The following EML4 variants were observed in gnomAD, a reference collection of about 807,000 sequenced individuals.
EML4 encodes the protein echinoderm microtubule-associated protein-like 4.
A neutral mutation model predicts 129.0 loss-of-function variants in EML4; 72 were observed. The observed-to-expected ratio is 0.56, with a 90% CI of 0.46 to 0.68. The LOEUF is 0.68. EML4 is among the 30% of genes least tolerant of loss of function. The pLI, the probability that EML4 is intolerant of heterozygous loss-of-function variation, is 0.00. For synonymous variants in EML4, 532 were observed against 405.0 expected (o/e 1.31, Z -3.77); for missense variants, 1,363 against 1,190.6 (o/e 1.14, Z -2.13).
At chr2:42,177,842 A>G (rs72976746) in intron 1 of EML4, among the ~76,000 whole-genome samples, 4,619 of 152,284 alleles carry the variant, frequency 0.03, 227 homozygotes, top group African/African-American at 0.1. Flanking sequence ...GAGAAGAGGA[A>G]GAGATAATGT....
At chr2:42,316,771 G>C (rs1669266713) in intron 18 of EML4, among the ~76,000 whole-genome samples, 1 of 152,178 alleles carries the variant, frequency 6.6e-6, no homozygotes, top group African/African-American at 2.4e-5. Flanking sequence ...CTTCTCAGTT[G>C]TTTCAAAGGA....
chr2:42,330,274 A>AG lies in EML4; in HGVS notation c.*69dup, dbSNP rs1439032772. The AG allele has an allele frequency of 2.9e-6, 4 of 1,398,858 alleles. No homozygotes were observed. The highest frequency in any genetic ancestry group is 4.0e-6 in the Non-Finnish European group (4 of 992,582). The allele number at this position is 1,398,858 out of a possible 1,614,324, so 86.7% of individuals were successfully genotyped here. On this transcript the variant is annotated 3_prime_UTR_variant, in exon 23 of 23. Coordinates refer to ENST00000318522, the MANE Select transcript of EML4 (RefSeq NM_019063.5). ...GATTTTGTGATAAAGTTCAGGTAAC[A>AG]GGATGGGCAGTGATGGAGAATCACT... is the stretch of plus-strand genomic sequence containing the variant.
At chr2:42,208,701 G>A (rs902004742) in intron 1 of EML4, among the ~76,000 whole-genome samples, 8 of 151,634 alleles carry the variant, frequency 5.3e-5, no homozygotes, top group African/African-American at 1.7e-4. Context: ...CCAAAGTGCT[G>A]GGATTACAGG....
intron 1 of EML4, among the ~76,000 whole-genome samples, chr2:42,175,204 C>T (rs1194313800): frequency 6.6e-6 from 1 of 151,580 alleles, no homozygotes; most frequent in Non-Finnish European, 1.5e-5. Flanking sequence ...CCTCTGCCTC[C>T]CGTGTTCAAG....
At chr2:42,209,993 T>C (rs536824182) in intron 1 of EML4, among the ~76,000 whole-genome samples, 1 of 152,268 alleles carries the variant, frequency 6.6e-6, no homozygotes, top group South Asian at 2.1e-4. Flanking sequence ...AGAACAGTTT[T>C]ACATTTGCAG....
chr2:42,318,491 A>G (rs1157850365), intron 19 of EML4, among the ~76,000 whole-genome samples: 1 of 152,216 alleles, frequency 6.6e-6, no homozygotes, highest in African/African-American at 2.4e-5. Context: ...TAGTCTACAA[A>G]CAACTTCAGA....
intron 1 of EML4, among the ~76,000 whole-genome samples, chr2:42,174,979 G>C (rs1310857719): frequency 6.6e-6 from 1 of 151,652 alleles, no homozygotes; most frequent in African/African-American, 2.4e-5. Flanking sequence ...AGCATGTCTG[G>C]CTAATTTTTG....
At chr2:42,288,702 C>T (rs1165594514) in intron 11 of EML4, 2 of 153,982 alleles carry the variant, frequency 1.3e-5, no homozygotes, top group African/African-American at 4.8e-5. Context: ...AGGAATACGA[C>T]TGATGTAACT....
intron 19 of EML4, 62 bp downstream of exon 19, chr2:42,317,586 A>G (rs1165466015): frequency 1.8e-5 from 20 of 1,114,124 alleles, no homozygotes; most frequent in Non-Finnish European, 2.4e-5. Flanking sequence ...GTTAAAAACA[A>G]ATTTTTACAT....
chr2:42,286,274 A>G lies in EML4; in HGVS notation c.1017A>G (p.Leu339=), dbSNP rs1426164727. The G allele has an allele frequency of 3.7e-6, 6 of 1,610,656 alleles. No individual in the cohort carries two copies. The highest frequency in any genetic ancestry group is 2.2e-5 in the East Asian group (1 of 44,862). Residue 339 remains leucine, a synonymous_variant, in exon 10 of 23, where the codon CTA becomes CTG. Transcript: ENST00000318522. ...GCTGTCTTGTGTTTTTGCAGCCTCTACAACCCCACGTCAGAGTGTGGGATT... is the reference window on the plus strand; with the variant it reads ...GCTGTCTTGTGTTTTTGCAGCCTCTGCAACCCCACGTCAGAGTGTGGGATT... ...IAGVDKDGRP[L]QPHVRVWDSV...
chr2:42,201,940 G>A (rs556449964), intron 1 of EML4, among the ~76,000 whole-genome samples: 19 of 152,218 alleles, frequency 1.2e-4, no homozygotes, highest in African/African-American at 3.6e-4. Context: ...AAAATTAGCC[G>A]GGTGTGGTGC....
At chr2:42,193,353 G>T (rs754294133) in intron 1 of EML4, among the ~76,000 whole-genome samples, 1 of 152,172 alleles carries the variant, frequency 6.6e-6, no homozygotes, top group Non-Finnish European at 1.5e-5. Flanking sequence ...ACTGCAAAAC[G>T]TGCATGCAGT....
chr2:42,170,647 G>C (rs1319459800), intron 1 of EML4, among the ~76,000 whole-genome samples: 1 of 152,254 alleles, frequency 6.6e-6, no homozygotes, highest in Non-Finnish European at 1.5e-5. Flanking sequence ...AAAAGATTAA[G>C]TTCAACTGTT....
intron 6 of EML4, among the ~76,000 whole-genome samples, chr2:42,276,811 A>G (rs948737373): frequency 2.0e-5 from 3 of 152,250 alleles, no homozygotes; most frequent in Non-Finnish European, 4.4e-5. Context: ...TGTTTTCACT[A>G]TAATGTATTG....
chr2:42,220,236 A>ATTT (rs56896362), intron 1 of EML4, among the ~76,000 whole-genome samples: 6 of 140,136 alleles, frequency 4.3e-5, no homozygotes, highest in Non-Finnish European at 6.2e-5. Context: ...CAGATACTGT[A>ATTT]TTTTTTTTTT....
intron 1 of EML4, among the ~76,000 whole-genome samples, chr2:42,192,607 G>GA (rs1671665177): frequency 6.6e-6 from 1 of 151,914 alleles, no homozygotes; most frequent in Non-Finnish European, 1.5e-5. Flanking sequence ...GTCCTTTTAT[G>GA]AAAAAAATCT....
intron 6 of EML4, among the ~76,000 whole-genome samples, chr2:42,275,499 G>A (rs1666607120): frequency 6.6e-6 from 1 of 152,188 alleles, no homozygotes; most frequent in South Asian, 2.1e-4. Context: ...GGTTAGACTA[G>A]GAGAGCTATA....
chr2:42,231,698 C>T (rs936899861), intron 1 of EML4, among the ~76,000 whole-genome samples: 7 of 152,140 alleles, frequency 4.6e-5, no homozygotes, highest in Non-Finnish European at 1.5e-5. Context: ...ACCTGTAGTC[C>T]CAGCACTTTG....
At chr2:42,195,793 A>G (rs1315956551) in intron 1 of EML4, among the ~76,000 whole-genome samples, 1 of 152,232 alleles carries the variant, frequency 6.6e-6, no homozygotes. Flanking sequence ...TACTACAGGA[A>G]GCCTGGATGG....
Sources: gnomAD v4.1 joint callset for allele counts (sites outside exome capture counted in the v4.1 genomes callset) on GRCh38, gnomAD v4.1.1 for gene constraint, MANE v1.5 for transcripts, NCBI Gene and HGNC (gene_info 2026-07-23, HGNC 2026-07-21) for gene names.